PLEKHG5: variants seen among roughly 807,000 people sequenced by gnomAD.
PLEKHG5 encodes pleckstrin homology and RhoGEF domain containing G5.
Under a neutral mutation model 103.8 loss-of-function variants are expected in PLEKHG5, and 52 were observed. That is an observed-to-expected ratio of 0.50 (90% CI 0.40 to 0.63). The LOEUF (loss-of-function observed/expected upper bound fraction) is 0.63. Among genes scored for constraint, PLEKHG5 ranks in the 30% least tolerant of loss-of-function variants. PLEKHG5 has a pLI of 0.00. For missense variants in PLEKHG5, 1,205 were observed against 1,347.6 expected (o/e 0.89, Z 1.66); for synonymous variants, 592 against 575.5 (o/e 1.03, Z -0.41).
chr1:6,506,955 C>T (rs976080956), intron 1 of PLEKHG5, among the ~76,000 whole-genome samples: 2 of 152,232 alleles, frequency 1.3e-5, no homozygotes, highest in Non-Finnish European at 2.9e-5. Context: ...AGGGGAGCCT[C>T]ATTGCTCCCG....
chr1:6,518,221 T>C lies in PLEKHG5; in HGVS notation c.-165+1224A>G, dbSNP rs567025727. Among the ~76,000 whole-genome samples, 123 of 149,970 alleles carry C rather than the reference T, an allele frequency of 8.2e-4. 2 individuals carry two copies. The highest frequency in any genetic ancestry group is 2.3e-3 in the African/African-American group (93 of 41,046). On this transcript the variant is annotated intron_variant, in intron 1 of 21. Coordinates refer to the PLEKHG5 transcript ENST00000377740. ...TGCTGGGATTACAGGTGTGAGCCAC[T>C]GCGCCCGGCCGTGTCATGGCGGATA...
chr1:6,469,701 C>T (rs750593162), intron 16 of PLEKHG5, 25 bp from the exon 17 acceptor site: 4 of 1,609,434 alleles, frequency 2.5e-6, no homozygotes, highest in Admixed American at 1.7e-5. Flanking sequence ...GGGGGGGTGG[C>T]CAGAGAGGCC....
intron 20 of PLEKHG5, 79 bp from the exon 21 acceptor site, chr1:6,467,651 G>T: frequency 6.6e-7 from 1 of 1,519,138 alleles, no homozygotes; most frequent in Non-Finnish European, 9.1e-7. Flanking sequence ...TCTTCCCCAC[G>T]GCACTCCTCA....
Position 6,475,205 on chromosome 1 carries a change from C to A in PLEKHG5, c.211-67G>T, listed in dbSNP as rs1283410076. The stretch of plus-strand genomic sequence containing the variant: ...CCGCCCTCATTCCCGCCCTCCTCCC[C>A]ACCCTCCTTCCCACCCTCCTTCCCA... On this transcript the variant is annotated intron_variant, in intron 4 of 20. Coordinates refer to ENST00000377728, the MANE Select transcript of PLEKHG5 (RefSeq NM_020631.6). 1.1e-5 allele frequency: 9 copies of A among 818,560 alleles called. 1 individual carries two copies. The highest frequency in any genetic ancestry group is 1.9e-5 in the African/African-American group (1 of 53,130). 50.7% of individuals were successfully genotyped at this position (818,560 alleles called of 1,614,324 possible).
At chr1:6,481,601 T>C (rs1286069456) in intron 1 of PLEKHG5, among the ~76,000 whole-genome samples, 1 of 150,394 alleles carries the variant, frequency 6.6e-6, no homozygotes, top group East Asian at 2.0e-4. Flanking sequence ...CGGTGGCTCA[T>C]GCCTGTAATC....
chr1:6,489,313 G>A (rs1645101416), intron 1 of PLEKHG5, among the ~76,000 whole-genome samples: 1 of 152,164 alleles, frequency 6.6e-6, no homozygotes, highest in Admixed American at 6.5e-5. Context: ...CTTTCCCCTA[G>A]GCCCAGGCCT....
intron 1 of PLEKHG5, among the ~76,000 whole-genome samples, chr1:6,517,756 G>A (rs1638663002): frequency 6.6e-6 from 1 of 151,560 alleles, no homozygotes; most frequent in Admixed American, 6.6e-5. Flanking sequence ...GCTCAGATCT[G>A]ACGACAAACA....
At position 6,470,855 on chromosome 1, in the gene PLEKHG5, CCT is replaced by C; in HGVS notation, c.1420_1421del (p.Arg474AlafsTer180). The C allele has an allele frequency of 1.3e-6, 2 of 1,575,808 alleles. No homozygotes were observed. Among genetic ancestry groups the C allele is most frequent in the Non-Finnish European group, 8.6e-7 (1 of 1,160,614 alleles). On this transcript the variant is annotated frameshift_variant, in exon 14 of 21. Coordinates refer to ENST00000377728, the MANE Select transcript of PLEKHG5 (RefSeq NM_020631.6). LOFTEE classifies it high-confidence loss of function. ...TWAEKHPQCQ[R>X]LKLSDMLAKP... is the part of the protein sequence containing the mutation. Reference sequence around the variant, plus strand: ...TGGCCAGCATGTCGCTCAGCTTCAGCCTCTGGCACTGTGGGTGCTTCTCCGCC... The same window carrying C: ...TGGCCAGCATGTCGCTCAGCTTCAGCCTGGCACTGTGGGTGCTTCTCCGCC...
At chr1:6,472,115 C>G (rs1357417239) in intron 10 of PLEKHG5, among the ~76,000 whole-genome samples, 1 of 152,224 alleles carries the variant, frequency 6.6e-6, no homozygotes. Context: ...CTGGCTTAGC[C>G]TCCAGATTTC....
upstream of PLEKHG5, among the ~76,000 whole-genome samples, chr1:6,501,012 A>G (rs1645291319): frequency 6.6e-6 from 1 of 152,224 alleles, no homozygotes; most frequent in Non-Finnish European, 1.5e-5. This position sits in a 1 kb window ranked among gnomAD's most constrained non-coding sequence, Gnocchi z 4.3. Context: ...GGCTGAGAAC[A>G]GGGTTTCGGA....
intron 1 of PLEKHG5, among the ~76,000 whole-genome samples, chr1:6,507,089 T>C (rs1638346217): frequency 6.6e-6 from 1 of 152,136 alleles, no homozygotes. Context: ...GTCAGTTGAT[T>C]CCAGAGTGTT....
chr1:6,472,476 CAGAA>C, intron 10 of PLEKHG5, 47 bp downstream of exon 10: 1 of 1,284,714 alleles, frequency 7.8e-7, no homozygotes, highest in Non-Finnish European at 1.1e-6. Flanking sequence ...TGAGGGCTGT[CAGAA>C]AGAGGGGGGC....
chr1:6,475,436 T>A, intron 4 of PLEKHG5, 26 bp downstream of exon 4: 2 of 1,607,902 alleles, frequency 1.2e-6, no homozygotes, highest in South Asian at 2.2e-5. Context: ...GGAACCCGCA[T>A]CTGCCGGCTC....
Position 6,508,231 on chromosome 1 carries a change from C to T in PLEKHG5, c.-165+11214G>A, listed in dbSNP as rs1050465381. Among the ~76,000 whole-genome samples, 4 of 152,194 alleles carry T rather than the reference C, an allele frequency of 2.6e-5. No homozygotes were observed. The East Asian group carries it at 7.7e-4, about 29-fold the overall frequency. On this transcript the variant is annotated intron_variant, in intron 1 of 21. Coordinates refer to the PLEKHG5 transcript ENST00000377740. ...ATTTCGGGCTCGGAGGCTGAACCCT[C>T]CTGAGGGGCTGCAGCCCTGGATGCC...
upstream of PLEKHG5, among the ~76,000 whole-genome samples, chr1:6,494,118 A>ATTTTTTTTTTT (rs36105555): frequency 6.6e-5 from 5 of 75,722 alleles, no homozygotes; most frequent in African/African-American, 5.1e-4. Context: ...CACCTGGCTA[A>ATTTTTTTTTTT]TTTTTTTTTT....
chr1:6,482,740 GC>G (rs1171324591), intron 1 of PLEKHG5, among the ~76,000 whole-genome samples: 1 of 152,000 alleles, frequency 6.6e-6, no homozygotes, highest in African/African-American at 2.4e-5. Context: ...ATAGAGTCTC[GC>G]TCTGTTGCCC....
At chr1:6,496,536 C>T (rs1220307807), upstream of PLEKHG5, 2 of 1,598,234 alleles carry the variant, frequency 1.3e-6, no homozygotes, top group Admixed American at 1.7e-5. Flanking sequence ...GTTCTGACAG[C>T]GCAGTCCCTT....
upstream of PLEKHG5, among the ~76,000 whole-genome samples, chr1:6,492,754 A>T (rs1001929955): frequency 6.6e-6 from 1 of 152,128 alleles, no homozygotes; most frequent in African/African-American, 2.4e-5. Context: ...GGAAAAAAGT[A>T]GGTTTGATCC....
intron 1 of PLEKHG5, among the ~76,000 whole-genome samples, chr1:6,510,107 G>A (rs973362477): frequency 9.2e-5 from 14 of 152,206 alleles, no homozygotes; most frequent in East Asian, 1.9e-4. Flanking sequence ...CTAGCTACCC[G>A]GCTCTCATGA....
Sources: gnomAD v4.1 joint callset for allele counts (sites outside exome capture counted in the v4.1 genomes callset) on GRCh38, gnomAD v4.1.1 for gene constraint, Gnocchi (gnomAD v3.1) non-coding constraint, MANE v1.5 for transcripts, NCBI Gene and HGNC (gene_info 2026-07-23, HGNC 2026-07-21) for gene names.